The following CNGB1 variants were observed in gnomAD, a reference collection of about 807,000 sequenced individuals.
CNGB1 encodes cyclic nucleotide-gated channel beta-1.
Under a neutral mutation model 151.7 loss-of-function variants are expected in CNGB1, and 126 were observed. The observed-to-expected ratio is 0.83, with a 90% CI of 0.72 to 0.96. CNGB1 has a LOEUF of 0.96. Ranked by LOEUF, CNGB1 falls within the 40% of genes least tolerant of loss-of-function variation. The probability of loss-of-function intolerance (pLI) is 0.00; values close to 1 mark genes in which losing one functional copy is unlikely to be tolerated. For synonymous variants in CNGB1, 623 were observed against 635.1 expected (o/e 0.98, Z 0.29); for missense variants, 1,698 against 1,627.0 (o/e 1.04, Z -0.75).
At chr16:57,907,726 A>G (rs1462077837) in intron 25 of CNGB1, among the ~76,000 whole-genome samples, 1 of 152,156 alleles carries the variant, frequency 6.6e-6, no homozygotes, top group Non-Finnish European at 1.5e-5. Context: ...TAAGGAAGTG[A>G]ATGAATGCAT....
At chr16:57,950,705 C>T (rs919264370) in intron 12 of CNGB1, among the ~76,000 whole-genome samples, 165 bp from the exon 13 acceptor site, 1 of 152,226 alleles carries the variant, frequency 6.6e-6, no homozygotes, top group Admixed American at 6.5e-5. Context: ...GGGACCAGAT[C>T]GGTGTTCCGG....
At chr16:57,922,590 G>A (rs1163755251) in intron 18 of CNGB1, among the ~76,000 whole-genome samples, 1 of 151,906 alleles carries the variant, frequency 6.6e-6, no homozygotes, top group Non-Finnish European at 1.5e-5. Flanking sequence ...CACCACGCCC[G>A]GCTAATTTTT....
chr16:57,940,449 C>G, intron 14 of CNGB1, 128 bp from the exon 15 acceptor site: 1 of 841,204 alleles, frequency 1.2e-6, no homozygotes, highest in East Asian at 2.7e-5. Flanking sequence ...GAACCAGTCT[C>G]AACCTCAGGA....
At chr16:57,967,370 G>A in intron 1 of CNGB1, 76 bp from the exon 2 acceptor site, 2 of 1,437,924 alleles carry the variant, frequency 1.4e-6, no homozygotes, top group Non-Finnish European at 2.0e-6. Flanking sequence ...ACTCTTATGA[G>A]TTGTACATTT....
chr16:57,884,581 T>A (rs1283628804), intron 32 of CNGB1, 124 bp from the exon 33 acceptor site: 12 of 995,580 alleles, frequency 1.2e-5, no homozygotes, highest in Non-Finnish European at 1.8e-5. Flanking sequence ...ACACAGCGGG[T>A]GAAATCTAGT....
chr16:57,956,780 G>A (rs1289641431), intron 12 of CNGB1, among the ~76,000 whole-genome samples: 1 of 152,234 alleles, frequency 6.6e-6, no homozygotes, highest in Non-Finnish European at 1.5e-5. Flanking sequence ...AGGCCATGAA[G>A]TGAAGAAAGA....
intron 31 of CNGB1, among the ~76,000 whole-genome samples, chr16:57,889,237 G>A (rs1432181558): frequency 2.6e-5 from 4 of 152,068 alleles, no homozygotes; most frequent in East Asian, 1.9e-4. Flanking sequence ...TCCTGGGCTC[G>A]AGCAATCCTC....
chr16:57,914,599 G>T (rs1960811735), intron 23 of CNGB1, among the ~76,000 whole-genome samples: 1 of 152,188 alleles, frequency 6.6e-6, no homozygotes, highest in Non-Finnish European at 1.5e-5. Context: ...CCATTTGGGG[G>T]ATCCTGAATG....
intron 20 of CNGB1, 24 bp from the exon 21 acceptor site, chr16:57,917,500 G>C: frequency 2.5e-6 from 4 of 1,610,498 alleles, no homozygotes; most frequent in Non-Finnish European, 3.4e-6. Context: ...TGACGGGGAC[G>C]CTAGAGCATC....
At chr16:57,961,488 T>C (rs936203185) in intron 7 of CNGB1, among the ~76,000 whole-genome samples, 5 of 152,086 alleles carry the variant, frequency 3.3e-5, no homozygotes, top group African/African-American at 1.2e-4. Flanking sequence ...GGACAACCGG[T>C]TCCCCCAAGT....
chr16:57,965,951 T>C (rs993176909), intron 2 of CNGB1, among the ~76,000 whole-genome samples: 4 of 152,186 alleles, frequency 2.6e-5, no homozygotes, highest in Non-Finnish European at 5.9e-5. Context: ...CATATACGTG[T>C]ATATACATGC....
At chr16:57,969,363 T>G (rs552314122) in intron 1 of CNGB1, among the ~76,000 whole-genome samples, 1 of 152,166 alleles carries the variant, frequency 6.6e-6, no homozygotes, top group South Asian at 2.1e-4. Flanking sequence ...ACACCTGCAA[T>G]CCCAGCACTT....
At position 57,923,318 on chromosome 16, in the gene CNGB1, G is replaced by A; in HGVS notation, c.1598C>T (p.Ser533Phe). Residue 533 changes from serine (S) to phenylalanine (F), a missense_variant, in exon 18 of 33, where the codon TCC (serine) becomes TTC (phenylalanine). Ser to Phe is a radical substitution (Grantham distance 155, BLOSUM62 -2). Coordinates refer to ENST00000251102, the MANE Select transcript of CNGB1 (RefSeq NM_001297.5). ...GGGGTCAGACCAGGCAACCACTGGG[G>A]ACTCTGCTGGTGACAACGCCTTGAG... ...EELKALSPAE[S>F]PVVAWSDPTT... 6.2e-7 allele frequency: 1 copy of A among 1,613,662 alleles called. No individual in the cohort carries two copies. The highest frequency in any genetic ancestry group is 1.3e-5 in the African/African-American group (1 of 75,026).
intron 17 of CNGB1, among the ~76,000 whole-genome samples, chr16:57,925,876 C>T (rs1472188644): frequency 6.6e-6 from 1 of 152,078 alleles, no homozygotes; most frequent in East Asian, 1.9e-4. Flanking sequence ...TTAGTAGAGA[C>T]AGGGTTTCAC....
intron 14 of CNGB1, among the ~76,000 whole-genome samples, chr16:57,940,745 G>A (rs1285878996): frequency 6.6e-6 from 1 of 152,170 alleles, no homozygotes; most frequent in Admixed American, 6.5e-5. Flanking sequence ...GGTAGAGCAT[G>A]ACAAAAGTGA....
intron 8 of CNGB1, 119 bp from the exon 9 acceptor site, chr16:57,960,649 TG>T (rs1242218247): frequency 7.3e-7 from 1 of 1,375,696 alleles, no homozygotes; most frequent in Non-Finnish European, 1.0e-6. Context: ...GGGTGGGGGG[TG>T]TCTCTCCTTC....
Position 57,884,144 on chromosome 16 carries a change from G to T in CNGB1, c.*20C>A. The T allele has an allele frequency of 1.2e-6, 2 of 1,613,912 alleles. No individual in the cohort carries two copies. Among genetic ancestry groups the T allele is most frequent in the Non-Finnish European group, 1.7e-6 (2 of 1,179,848 alleles). The stretch of plus-strand genomic sequence containing the variant: ...GGACACACCTGCTGGAACTGCGCGC[G>T]GGATCCGCCTCACCCCACCTTACTC... On this transcript the variant is annotated 3_prime_UTR_variant, in exon 33 of 33. Coordinates refer to ENST00000251102, the MANE Select transcript of CNGB1 (RefSeq NM_001297.5).
intron 20 of CNGB1, 22 bp from the exon 21 acceptor site, chr16:57,917,498 A>T (rs367706218): frequency 7.4e-5 from 119 of 1,611,540 alleles, no homozygotes; most frequent in Non-Finnish European, 9.6e-5. Context: ...GTTGACGGGG[A>T]CGCTAGAGCA....
intron 12 of CNGB1, among the ~76,000 whole-genome samples, chr16:57,956,340 T>C (rs1962083960): frequency 6.6e-6 from 1 of 152,182 alleles, no homozygotes; most frequent in East Asian, 1.9e-4. Flanking sequence ...CATGAGAGAC[T>C]GCTTATGCCC....
Sources: allele counts gnomAD v4.1 joint callset (sites outside exome capture counted in the v4.1 genomes callset), GRCh38; gene constraint gnomAD v4.1.1; transcripts MANE v1.5; gene names NCBI Gene and HGNC (gene_info 2026-07-23, HGNC 2026-07-21).